Variants in SMARCA5 observed in about 807,000 individuals in gnomAD.
The protein encoded by SMARCA5 is SNF2 related chromatin remodeling ATPase 5.
Under a neutral mutation model 140.4 loss-of-function variants are expected in SMARCA5, and 18 were observed. That is an observed-to-expected ratio of 0.13 (90% CI 0.09 to 0.19). The LOEUF (loss-of-function observed/expected upper bound fraction) is 0.19, where lower values mean the gene tolerates loss of function less well. Among genes scored for constraint, SMARCA5 ranks in the 10% least tolerant of loss-of-function variants. The pLI is 1.00. For missense variants in SMARCA5, 606 were observed against 1,276.8 expected, an observed-to-expected ratio of 0.47 and a Z score of 8.01; for synonymous variants, 449 against 419.6, an observed-to-expected ratio of 1.07 and a Z score of -0.86.
rs994390776 is a variant in SMARCA5, at chr4:143,556,419, A to G, written c.*3235A>G. The G allele has an allele frequency of 2.0e-5, 3 of 152,208 alleles. No homozygotes were observed. The highest frequency in any genetic ancestry group is 4.4e-5 in the Non-Finnish European group (3 of 68,036). The allele number at this position is 152,208 out of a possible 1,614,324, so 9.4% of individuals were successfully genotyped here. A position where few individuals can be genotyped will look rare whatever the true frequency, so the allele number is the denominator to read the frequency against. On this transcript the variant is annotated 3_prime_UTR_variant, in exon 24 of 24. Coordinates refer to ENST00000283131, the MANE Select transcript of SMARCA5 (RefSeq NM_003601.4). The stretch of plus-strand genomic sequence containing the variant: ...TTGTTCTATCCCTTTGAATCTAAAA[A>G]ACAAATCTTTTTGAAAGGATGTGCT...
At chr4:143,526,809 A>C (rs1737084257) in intron 6 of SMARCA5, among the ~76,000 whole-genome samples, 2 of 152,038 alleles carry the variant, frequency 1.3e-5, no homozygotes, top group Non-Finnish European at 2.9e-5. Context: ...GGTTGCAGTG[A>C]GCCGAGATGG....
chr4:143,545,845 C>A, intron 18 of SMARCA5, 80 bp from the exon 19 acceptor site: 1 of 1,286,960 alleles, frequency 7.8e-7, no homozygotes, highest in African/African-American at 1.5e-5. Context: ...TGAATTGAAA[C>A]TTGTGAAATG....
At chr4:143,527,814 A>G (rs1737105570) in intron 6 of SMARCA5, 54 bp from the exon 7 acceptor site, 5 of 1,456,092 alleles carry the variant, frequency 3.4e-6, no homozygotes, top group Admixed American at 2.2e-5. Flanking sequence ...TCATCAGTAA[A>G]TGTAATGCGT....
Position 143,541,074 on chromosome 4 carries a change from G to T in SMARCA5, c.1903+579G>T, listed in dbSNP as rs981776432. ...TGGGAGGGAGAGATGAAGTAAACAAGGGTATAAGTAGGAGTAGGGGGTGAG... is the reference window on the plus strand; with the variant it reads ...TGGGAGGGAGAGATGAAGTAAACAATGGTATAAGTAGGAGTAGGGGGTGAG... On this transcript the variant is annotated intron_variant, in intron 14 of 23. Transcript: ENST00000283131. Among the ~76,000 whole-genome samples the T allele has an allele frequency of 2.0e-5, 3 of 152,260 alleles. No individual in the cohort carries two copies. In the East Asian group the frequency reaches 5.8e-4, roughly 29 times the overall value.
At chr4:143,524,343 G>T (rs1302239894) in intron 3 of SMARCA5, 24 bp from the exon 4 acceptor site, 1 of 1,522,196 alleles carries the variant, frequency 6.6e-7, no homozygotes, top group Non-Finnish European at 9.0e-7. Flanking sequence ...CTCAAATCAG[G>T]TTATTTTATT....
rs553032617 is a variant in SMARCA5 at position 143,524,911 on chromosome 4, A to G, written c.520+444A>G. Among the ~76,000 whole-genome samples the G allele has an allele frequency of 3.9e-5, 6 of 152,290 alleles. No homozygotes were observed. In the South Asian group the frequency reaches 1.2e-3, roughly 32 times the overall value. On this transcript the variant is annotated intron_variant, in intron 4 of 23. Coordinates refer to ENST00000283131, the MANE Select transcript of SMARCA5 (RefSeq NM_003601.4). ...GGAGGGCTACACTGTGTACATATTAAAAAAGAAAAATCAGGTGACCGTTAT... is the reference window on the plus strand; with the variant it reads ...GGAGGGCTACACTGTGTACATATTAGAAAAGAAAAATCAGGTGACCGTTAT...
rs1282102182 is a variant in SMARCA5 at position 143,513,729 on chromosome 4, G to A, written c.-196G>A. ...CGGTGGAACCTAGAGCCCCGCGGAAGAGCAGAACGTTTGGGAGTGTGCAGC... is the reference window on the plus strand; with the variant it reads ...CGGTGGAACCTAGAGCCCCGCGGAAAAGCAGAACGTTTGGGAGTGTGCAGC... On this transcript the variant is annotated 5_prime_UTR_variant, in exon 1 of 24. Transcript: ENST00000283131. 4 of 604,840 alleles carry A rather than the reference G, an allele frequency of 6.6e-6. No homozygotes were observed. Among genetic ancestry groups the A allele is most frequent in the Admixed American group, 3.3e-5 (1 of 30,734 alleles). 37.5% of individuals were successfully genotyped at this position (604,840 alleles called of 1,614,324 possible).
At chr4:143,540,558 A>G in intron 14 of SMARCA5, 63 bp downstream of exon 14, 1 of 1,497,884 alleles carries the variant, frequency 6.7e-7, no homozygotes, top group Non-Finnish European at 9.1e-7. Flanking sequence ...TTGTTTGAAA[A>G]TCGTCTTAGA....
Position 143,553,868 on chromosome 4 carries a change from T to C in SMARCA5, c.*684T>C, listed in dbSNP as rs1490114125. 6.6e-6 allele frequency: 1 copy of C among 151,942 alleles called. No homozygotes were observed. Among genetic ancestry groups the C allele is most frequent in the Admixed American group, 6.6e-5 (1 of 15,246 alleles). The allele number at this position is 151,942 out of a possible 1,614,324, so 9.4% of individuals were successfully genotyped here. On this transcript the variant is annotated 3_prime_UTR_variant, in exon 24 of 24. Transcript: ENST00000283131. Reference sequence around the variant, plus strand: ...GGTTCCTTAAGGTATTACTGTACCATTTTGTAAAAGGAATATTATTATTAT... The same window carrying C: ...GGTTCCTTAAGGTATTACTGTACCACTTTGTAAAAGGAATATTATTATTAT...
Position 143,525,570 on chromosome 4 carries a change from T to A in SMARCA5, c.621+19T>A. 2.0e-6 allele frequency: 3 copies of A among 1,463,670 alleles called. No individual in the cohort carries two copies. Among genetic ancestry groups the A allele is most frequent in the Middle Eastern group, 1.7e-4 (1 of 5,770 alleles). The allele number at this position is 1,463,670 out of a possible 1,614,324, so 90.7% of individuals were successfully genotyped here. A position where few individuals can be genotyped will look rare whatever the true frequency, so the allele number is the denominator to read the frequency against. On this transcript the variant is annotated intron_variant, in intron 5 of 23. Transcript: ENST00000283131. The stretch of plus-strand genomic sequence containing the variant: ...TGAAATGGTATGTGTTGGTAGTTTT[T>A]TTTGAAGGGTATGTTTTGTATTGAA...
rs1737533795 is a variant in SMARCA5, at chr4:143,546,770, G to A, written c.2521-6G>A. ...GATTAAATATTTTGTTTCTGTTCCTGTGAAGGGATTTACCAATTGGAATAA... is the reference window on the plus strand; with the variant it reads ...GATTAAATATTTTGTTTCTGTTCCTATGAAGGGATTTACCAATTGGAATAA... On this transcript the variant is annotated splice_polypyrimidine_tract_variant and splice_region_variant and intron_variant, in intron 19 of 23. Coordinates refer to ENST00000283131, the MANE Select transcript of SMARCA5 (RefSeq NM_003601.4). 2 of 1,604,240 alleles carry A rather than the reference G, an allele frequency of 1.2e-6. No individual in the cohort carries two copies. Among genetic ancestry groups the A allele is most frequent in the Non-Finnish European group, 1.7e-6 (2 of 1,174,582 alleles).
chr4:143,556,417 AAAAC>A lies in SMARCA5; in HGVS notation c.*3237_*3240del, dbSNP rs1274151569. On this transcript the variant is annotated 3_prime_UTR_variant, in exon 24 of 24. Coordinates refer to ENST00000283131, the MANE Select transcript of SMARCA5 (RefSeq NM_003601.4). ...TCTTGTTCTATCCCTTTGAATCTAA[AAAAC>A]AAATCTTTTTGAAAGGATGTGCTAC... The A allele has an allele frequency of 4.6e-5, 7 of 152,350 alleles. No individual in the cohort carries two copies. In the South Asian group the frequency reaches 8.3e-4, roughly 18 times the overall value. 9.4% of individuals were successfully genotyped at this position (152,350 alleles called of 1,614,324 possible). A position where few individuals can be genotyped will look rare whatever the true frequency, so the allele number is the denominator to read the frequency against.
chr4:143,524,414 C>A lies in SMARCA5; in HGVS notation c.467C>A (p.Thr156Lys). 6.2e-7 allele frequency: 1 copy of A among 1,613,174 alleles called. No individual in the cohort carries two copies. Among genetic ancestry groups the A allele is most frequent in the Non-Finnish European group, 8.5e-7 (1 of 1,179,504 alleles). ...TEQEEDEELL[T>K]ESSKATNVCT... The stretch of plus-strand genomic sequence containing the variant: ...CAAGAGGAGGATGAAGAGCTATTAA[C>A]AGAAAGCTCCAAAGCAACCAATGTT... Residue 156 changes from threonine (T) to lysine (K), a missense_variant, in exon 4 of 24, where the codon ACA becomes AAA. By Grantham distance (78) the Thr-to-Lys change is moderately conservative. Transcript: ENST00000283131.
chr4:143,526,725 G>C (rs944852131), intron 6 of SMARCA5, among the ~76,000 whole-genome samples: 8 of 152,072 alleles, frequency 5.3e-5, no homozygotes, highest in African/African-American at 1.9e-4. Flanking sequence ...GCTGGGTGTG[G>C]TGGCACGCAT....
intron 9 of SMARCA5, among the ~76,000 whole-genome samples, chr4:143,532,185 G>T (rs2149820542): frequency 6.6e-6 from 1 of 152,258 alleles, no homozygotes; most frequent in East Asian, 1.9e-4. Flanking sequence ...TTAAATATTT[G>T]AAGGTAGTAA....
rs746312836 is a variant in SMARCA5 at position 143,530,545 on chromosome 4, T to C, written c.1158+19T>C. On this transcript the variant is annotated intron_variant, in intron 9 of 23. Coordinates refer to ENST00000283131, the MANE Select transcript of SMARCA5 (RefSeq NM_003601.4). Reference sequence around the variant, plus strand: ...TCATATGGTAAGTATTTTGGAGTAGTGTTAAAGCATATTTATGATGGGAAA... The same window carrying C: ...TCATATGGTAAGTATTTTGGAGTAGCGTTAAAGCATATTTATGATGGGAAA... The C allele has an allele frequency of 2.6e-6, 4 of 1,524,364 alleles. No homozygotes were observed. Among genetic ancestry groups the C allele is most frequent in the South Asian group, 1.2e-5 (1 of 86,696 alleles). The allele number at this position is 1,524,364 out of a possible 1,614,324, so 94.4% of individuals were successfully genotyped here. A position where few individuals can be genotyped will look rare whatever the true frequency, so the allele number is the denominator to read the frequency against.
intron 14 of SMARCA5, among the ~76,000 whole-genome samples, chr4:143,541,939 C>T (rs1737436520): frequency 6.6e-6 from 1 of 151,732 alleles, no homozygotes; most frequent in African/African-American, 2.4e-5. Flanking sequence ...CTCACTGCAA[C>T]CTCCGCTTCC....
At chr4:143,528,094 T>G in intron 7 of SMARCA5, 71 bp downstream of exon 7, 1 of 1,213,014 alleles carries the variant, frequency 8.2e-7, no homozygotes, top group South Asian at 1.6e-5. Context: ...TTTTTTCTTT[T>G]AACTTTAAGT....
At chr4:143,545,627 T>G in intron 18 of SMARCA5, 44 bp downstream of exon 18, 1 of 1,139,672 alleles carries the variant, frequency 8.8e-7, no homozygotes, top group South Asian at 1.3e-5. Context: ...TATCCAGAAA[T>G]TATGGAAGGT....
Sources: gnomAD v4.1 joint callset for allele counts (sites outside exome capture counted in the v4.1 genomes callset) on GRCh38, gnomAD v4.1.1 for gene constraint, MANE v1.5 for transcripts, NCBI Gene and HGNC (gene_info 2026-07-23, HGNC 2026-07-21) for gene names.